Variants in ERC2 observed in about 807,000 individuals in gnomAD.
The protein encoded by ERC2 is ELKS/RAB6-interacting/CAST family member 2, also known as ERC protein 2.
ERC2 carries 42 observed loss-of-function variants against 114.8 expected under a neutral mutation model. That is an observed-to-expected ratio of 0.37 (90% CI 0.29 to 0.47). The LOEUF (loss-of-function observed/expected upper bound fraction) is 0.47. Ranked by LOEUF, ERC2 falls within the 20% of genes least tolerant of loss-of-function variation. ERC2 has a pLI of 0.99. For synonymous variants in ERC2, 454 were observed against 425.5 expected, an observed-to-expected ratio of 1.07 and a Z score of -0.82; for missense variants, 939 against 1,150.7, an observed-to-expected ratio of 0.82 and a Z score of 2.66.
intron 17 of ERC2, among the ~76,000 whole-genome samples, chr3:55,608,396 C>T (rs2058737096): frequency 6.6e-6 from 1 of 152,176 alleles, no homozygotes; most frequent in Admixed American, 6.5e-5. Context: ...TGTGCAAACA[C>T]CAGAGGCAAT....
intron 6 of ERC2, among the ~76,000 whole-genome samples, chr3:56,120,514 T>G (rs1421288579): frequency 6.6e-6 from 1 of 152,108 alleles, no homozygotes; most frequent in Non-Finnish European, 1.5e-5. Flanking sequence ...GAAGCCAAAA[T>G]GAAACTATTG....
chr3:55,637,271 A>C (rs918770257), intron 17 of ERC2, among the ~76,000 whole-genome samples: 3 of 152,348 alleles, frequency 2.0e-5, no homozygotes, highest in African/African-American at 7.2e-5. Context: ...ATAGAAATGT[A>C]ATTCCTTCTC....
At chr3:55,555,925 A>G (rs1371182230) in intron 17 of ERC2, among the ~76,000 whole-genome samples, 2 of 152,282 alleles carry the variant, frequency 1.3e-5, no homozygotes, top group Non-Finnish European at 2.9e-5. Context: ...TTCCAAAGTG[A>G]CTGTACCCAG....
At chr3:56,224,692 G>A (rs1370790403) in intron 3 of ERC2, among the ~76,000 whole-genome samples, 2 of 152,054 alleles carry the variant, frequency 1.3e-5, no homozygotes, top group East Asian at 1.9e-4. Flanking sequence ...GTTTTAATAT[G>A]CAAGAATACC....
At chr3:56,216,206 C>A (rs1198182776) in intron 3 of ERC2, among the ~76,000 whole-genome samples, 1 of 152,100 alleles carries the variant, frequency 6.6e-6, no homozygotes, top group Admixed American at 6.5e-5. Context: ...AATCCAGGAG[C>A]TGACTTTTTG....
intron 7 of ERC2, among the ~76,000 whole-genome samples, chr3:56,049,370 A>C (rs1300899241): frequency 6.6e-6 from 1 of 152,182 alleles, no homozygotes; most frequent in African/African-American, 2.4e-5. Context: ...ACTGCAGTTC[A>C]CCCATGCAAT....
At chr3:55,687,335 G>A (rs1286089019) in intron 16 of ERC2, among the ~76,000 whole-genome samples, 3 of 151,378 alleles carry the variant, frequency 2.0e-5, no homozygotes, top group African/African-American at 7.3e-5. Context: ...CTATTTTGAA[G>A]TATTAGGTAT....
At chr3:55,754,791 G>A (rs1268231626) in intron 14 of ERC2, among the ~76,000 whole-genome samples, 1 of 151,696 alleles carries the variant, frequency 6.6e-6, no homozygotes, top group Non-Finnish European at 1.5e-5. Flanking sequence ...CCTAAACAGC[G>A]CAACATGAGC....
intron 14 of ERC2, 43 bp downstream of exon 14, chr3:55,888,346 A>T (rs771973862): frequency 3.1e-6 from 5 of 1,602,324 alleles, no homozygotes; most frequent in Non-Finnish European, 4.3e-6. Flanking sequence ...CTCTCAAGAG[A>T]GGCTAGAAGA....
In ERC2 at chr3:56,291,250, T is replaced by TTG. The variant is rs1363548703; in HGVS notation, c.1074+4768_1074+4769insCA. 6.6e-5 allele frequency among the ~76,000 whole-genome samples: 10 copies of TTG among 152,344 alleles called. No individual in the cohort carries two copies. The East Asian group carries it at 1.9e-3, about 29-fold the overall frequency. ...ACAAGGTAAACGTCAAACAATGTCT[T>TTG]ATCAAATCAACCTGCATCCAAATAC... On this transcript the variant is annotated intron_variant, in intron 3 of 17. Coordinates refer to ENST00000288221, the MANE Select transcript of ERC2 (RefSeq NM_015576.3).
intron 11 of ERC2, among the ~76,000 whole-genome samples, chr3:55,989,511 C>G (rs1253378976): frequency 6.6e-6 from 1 of 152,170 alleles, no homozygotes; most frequent in African/African-American, 2.4e-5. Context: ...TGCAGCCCAG[C>G]AGCAATGCCT....
chr3:55,524,063 A>T (rs2053143451), intron 17 of ERC2, among the ~76,000 whole-genome samples: 1 of 152,096 alleles, frequency 6.6e-6, no homozygotes, highest in Admixed American at 6.5e-5. Context: ...AGTAACTCTA[A>T]CCTCTCCAGG....
intron 17 of ERC2, among the ~76,000 whole-genome samples, chr3:55,603,947 TA>T (rs1393163497): frequency 1.3e-5 from 2 of 152,150 alleles, no homozygotes; most frequent in Non-Finnish European, 2.9e-5. Flanking sequence ...ACTCCATCAA[TA>T]TTCTTGTGCA....
At chr3:56,462,010 G>C (rs1188517832) in intron 1 of ERC2, among the ~76,000 whole-genome samples, 1 of 152,094 alleles carries the variant, frequency 6.6e-6, no homozygotes, top group Non-Finnish European at 1.5e-5. Flanking sequence ...TAAGTCCATG[G>C]ACAGAATCTA....
intron 11 of ERC2, among the ~76,000 whole-genome samples, chr3:55,987,831 G>T (rs540562711): frequency 1.3e-5 from 2 of 152,144 alleles, no homozygotes; most frequent in Non-Finnish European, 2.9e-5. Context: ...TAAGTGGAAG[G>T]CTGTTTTCCA....
intron 14 of ERC2, among the ~76,000 whole-genome samples, chr3:55,798,761 G>A (rs1441892399): frequency 6.6e-6 from 1 of 152,128 alleles, no homozygotes; most frequent in East Asian, 1.9e-4. Flanking sequence ...AATCAAGGAT[G>A]AGGGTAAAAG....
chr3:56,336,863 C>G (rs2057875546), intron 2 of ERC2, among the ~76,000 whole-genome samples: 2 of 152,134 alleles, frequency 1.3e-5, no homozygotes, highest in South Asian at 4.1e-4. Flanking sequence ...GTTTCTAAGA[C>G]ATTATTTCTC....
In ERC2 at chr3:56,437,891, T is replaced by C. The variant is rs541942315; in HGVS notation, c.-140-2744A>G. On this transcript the variant is annotated intron_variant, in intron 1 of 17. Coordinates refer to ENST00000288221, the MANE Select transcript of ERC2 (RefSeq NM_015576.3). ...GGGGGAGCAGACGACAAAACAATTT[T>C]GTGATTTACTCACACTGTTGTAAAA... Among the ~76,000 whole-genome samples the C allele has an allele frequency of 2.7e-4, 41 of 152,358 alleles. No individual in the cohort carries two copies. The South Asian group carries it at 5.4e-3, about 20-fold the overall frequency.
chr3:55,952,179 A>ACTCTCTCT (rs775838556), intron 12 of ERC2, among the ~76,000 whole-genome samples: 1 of 62,098 alleles, frequency 1.6e-5, no homozygotes, highest in Non-Finnish European at 3.3e-5. Context: ...ACACACACAC[A>ACTCTCTCT]CTCTCTCTCT....
Sources: gnomAD v4.1 joint callset for allele counts (sites outside exome capture counted in the v4.1 genomes callset) on GRCh38, gnomAD v4.1.1 for gene constraint, MANE v1.5 for transcripts, NCBI Gene and HGNC (gene_info 2026-07-23, HGNC 2026-07-21) for gene names.